ZSCAN25: variants seen among roughly 807,000 people sequenced by gnomAD.
ZSCAN25 encodes zinc finger and SCAN domain containing 25, also known as zinc finger and SCAN domain-containing protein 25.
Under a neutral mutation model 38.7 loss-of-function variants are expected in ZSCAN25, and 27 were observed. The observed-to-expected ratio is 0.70, with a 90% confidence interval of 0.51 to 0.96. ZSCAN25 has a LOEUF of 0.96. Ranked by LOEUF, ZSCAN25 falls within the 40% of genes least tolerant of loss-of-function variation. The pLI, the probability that ZSCAN25 is intolerant of heterozygous loss-of-function variation, is 0.00. For synonymous variants in ZSCAN25, 273 were observed against 277.7 expected (o/e 0.98, Z 0.17); for missense variants, 637 against 705.9 (o/e 0.90, Z 1.11).
At chr7:99,695,950 A>C in the ZSCAN25 span, 1 of 827,302 alleles carries the variant, frequency 1.2e-6, no homozygotes, top group South Asian at 1.6e-5. Flanking sequence ...GGTAACATTA[A>C]GGCAATAAAT....
chr7:99,665,061 C>T, the ZSCAN25 span: 2 of 1,059,542 alleles, frequency 1.9e-6, no homozygotes, highest in Non-Finnish European at 1.3e-6. Context: ...ATCTTAAAAA[C>T]AATGGAATTG....
chr7:99,693,651 C>G, the ZSCAN25 span, among the ~76,000 whole-genome samples: 1 of 152,216 alleles, frequency 6.6e-6, no homozygotes, highest in Non-Finnish European at 1.5e-5. Flanking sequence ...TGCAGCATAT[C>G]AGGTGGATCT....
the ZSCAN25 span, chr7:99,730,969 C>T: frequency 2.0e-6 from 3 of 1,524,016 alleles, no homozygotes; most frequent in Middle Eastern, 1.7e-4. Flanking sequence ...AATCTCAGAC[C>T]TTCCTCTTGA....
At chr7:99,720,441 C>T in the ZSCAN25 span, 2 of 1,611,942 alleles carry the variant, frequency 1.2e-6, no homozygotes. Context: ...GTTGATTAAA[C>T]ATCAACAGCC....
In ZSCAN25 at chr7:99,629,604, G is replaced by A. The variant is rs1317415752; in HGVS notation, c.1219G>A (p.Glu407Lys). ...GGGAAAGAGGCCCTACGTGTGCAGCGAGTGCTGGAAAACCTTCAGCCAGAG... is the reference window on the plus strand; with the variant it reads ...GGGAAAGAGGCCCTACGTGTGCAGCAAGTGCTGGAAAACCTTCAGCCAGAG... ...HLGKRPYVCS[E>K]CWKTFSQRHH... Residue 407 changes from glutamate (E) to lysine (K), a missense_variant, in exon 8 of 8, where the codon GAG becomes AAG. Transcript: ENST00000394152. This position sits in a 1 kb window ranked among gnomAD's most constrained non-coding sequence, Gnocchi z 5.6. 8.1e-6 allele frequency: 13 copies of A among 1,614,150 alleles called. No individual in the cohort carries two copies. The highest frequency in any genetic ancestry group is 3.3e-5 in the Admixed American group (2 of 60,032).
the ZSCAN25 span, chr7:99,674,728 T>C: frequency 2.8e-5 from 17 of 610,848 alleles, no homozygotes; most frequent in Non-Finnish European, 4.5e-5. Flanking sequence ...TTCAGAGATG[T>C]CTTAAGGGAA....
the ZSCAN25 span, chr7:99,663,606 T>G: frequency 1.0e-6 from 1 of 999,558 alleles, no homozygotes; most frequent in African/African-American, 1.7e-5. Context: ...CTTAAAATGA[T>G]TCTTTACCAA....
At chr7:99,679,243 G>A in the ZSCAN25 span, among the ~76,000 whole-genome samples, 1 of 152,134 alleles carries the variant, frequency 6.6e-6, no homozygotes, top group African/African-American at 2.4e-5. Context: ...TCAGGGGCAT[G>A]GCACAGGAAA....
the ZSCAN25 span, chr7:99,730,864 G>C: frequency 1.5e-6 from 1 of 647,012 alleles, no homozygotes; most frequent in South Asian, 2.0e-5. Flanking sequence ...GTCCAACTGA[G>C]GCAAACTTGA....
In ZSCAN25 at chr7:99,620,040, G is replaced by A. The variant is rs774824673; in HGVS notation, c.387+47G>A. ...GTCTGGCGCCCTTGGCGTGGGCAGG[G>A]AATGTTAAAGAATCCAAAGATTTGA... On this transcript the variant is annotated intron_variant, in intron 4 of 7. Coordinates refer to ENST00000394152, the MANE Select transcript of ZSCAN25 (RefSeq NM_145115.3). 9 of 1,529,392 alleles carry A rather than the reference G, an allele frequency of 5.9e-6. No individual in the cohort carries two copies. In the East Asian group the frequency reaches 1.4e-4, roughly 24 times the overall value. The allele number at this position is 1,529,392 out of a possible 1,614,324, so 94.7% of individuals were successfully genotyped here.
chr7:99,675,618 T>TC, the ZSCAN25 span, among the ~76,000 whole-genome samples: 1 of 81,540 alleles, frequency 1.2e-5, no homozygotes, highest in Non-Finnish European at 2.6e-5. Flanking sequence ...TCCTCTCTCC[T>TC]CTCCTTTTCT....
At chr7:99,680,537 G>A in the ZSCAN25 span, among the ~76,000 whole-genome samples, 1 of 152,094 alleles carries the variant, frequency 6.6e-6, no homozygotes, top group Non-Finnish European at 1.5e-5. Flanking sequence ...TAGCAGAGGT[G>A]AGCTCCTCAA....
the ZSCAN25 span, chr7:99,679,814 A>G: frequency 6.2e-7 from 1 of 1,613,540 alleles, no homozygotes; most frequent in Non-Finnish European, 8.5e-7. Flanking sequence ...AGGAGTTTGG[A>G]CAGTTACTCA....
At position 99,632,111 on chromosome 7, in the gene ZSCAN25, A is replaced by G; in HGVS notation, c.*2091A>G. 1.0e-6 allele frequency: 1 copy of G among 985,402 alleles called. No individual in the cohort carries two copies. Among genetic ancestry groups the G allele is most frequent in the Non-Finnish European group, 1.2e-6 (1 of 829,960 alleles). The allele number at this position is 985,402 out of a possible 1,614,324, so 61.0% of individuals were successfully genotyped here. ...TTCCTCTGGGTTTCAGCAAGTTGGCATATCTTAAGCTTCAGAAGGAGCTGG... is the reference window on the plus strand; with the variant it reads ...TTCCTCTGGGTTTCAGCAAGTTGGCGTATCTTAAGCTTCAGAAGGAGCTGG... On this transcript the variant is annotated 3_prime_UTR_variant, in exon 8 of 8. Transcript: ENST00000394152.
At chr7:99,693,148 C>A in the ZSCAN25 span, among the ~76,000 whole-genome samples, 13 of 152,164 alleles carry the variant, frequency 8.5e-5, no homozygotes, top group Non-Finnish European at 1.8e-4. Context: ...AACAGTCAGA[C>A]TCCTCAGCTG....
the ZSCAN25 span, among the ~76,000 whole-genome samples, chr7:99,687,686 C>T: frequency 6.6e-6 from 1 of 152,138 alleles, no homozygotes; most frequent in Admixed American, 6.5e-5. Flanking sequence ...AAAAGATACT[C>T]CTCGAGAAGA....
chr7:99,679,720 TCTC>T, the ZSCAN25 span: 15 of 1,072,462 alleles, frequency 1.4e-5, no homozygotes, highest in Non-Finnish European at 1.6e-5. Context: ...TTCAGCTACT[TCTC>T]CTTGAACATC....
At chr7:99,684,491 A>G in the ZSCAN25 span, among the ~76,000 whole-genome samples, 1 of 152,176 alleles carries the variant, frequency 6.6e-6, no homozygotes, top group South Asian at 2.1e-4. Flanking sequence ...TTAAACTATG[A>G]ATGTTCTTTC....
At chr7:99,707,795 G>T in the ZSCAN25 span, 3 of 1,613,592 alleles carry the variant, frequency 1.9e-6, no homozygotes. Context: ...CATTATTAAT[G>T]CAGAAAATTG....
Sources: gnomAD v4.1 joint callset for allele counts (sites outside exome capture counted in the v4.1 genomes callset) on GRCh38, gnomAD v4.1.1 for gene constraint, Gnocchi (gnomAD v3.1) non-coding constraint, MANE v1.5 for transcripts, NCBI Gene and HGNC (gene_info 2026-07-23, HGNC 2026-07-21) for gene names.